The following CACNA1E variants were observed in gnomAD, a reference collection of about 807,000 sequenced individuals.
The protein encoded by CACNA1E is calcium voltage-gated channel subunit alpha1 E.
A neutral mutation model predicts 259.2 loss-of-function variants in CACNA1E; 40 were observed. That is an observed-to-expected ratio of 0.15 (90% CI 0.12 to 0.20). The LOEUF is 0.20. CACNA1E is among the 10% of genes least tolerant of loss of function. The pLI, the probability that CACNA1E is intolerant of heterozygous loss-of-function variation, is 1.00. For missense variants in CACNA1E, 1,874 were observed against 3,040.1 expected, an observed-to-expected ratio of 0.62 and a Z score of 9.02; for synonymous variants, 1,104 against 1,138.5, an observed-to-expected ratio of 0.97 and a Z score of 0.61.
At chr1:181,722,927 G>T (rs938361167) in intron 16 of CACNA1E, among the ~76,000 whole-genome samples, 1 of 152,192 alleles carries the variant, frequency 6.6e-6, no homozygotes, top group Non-Finnish European at 1.5e-5. Flanking sequence ...AGCTCCATGT[G>T]TCCCAATGGC....
At chr1:181,467,736 T>C (rs922334127) in intron 2 of CACNA1E, among the ~76,000 whole-genome samples, 1 of 152,178 alleles carries the variant, frequency 6.6e-6, no homozygotes, top group Admixed American at 6.5e-5. Context: ...TGCATTCCAC[T>C]GGGGTTCCTG....
chr1:181,626,258 A>G lies in CACNA1E; in HGVS notation c.952-25080A>G, dbSNP rs187544811. Among the ~76,000 whole-genome samples the G allele has an allele frequency of 2.2e-3, 329 of 152,372 alleles. 2 individuals carry two copies. Among genetic ancestry groups the G allele is most frequent in the African/African-American group, 7.5e-3 (312 of 41,590 alleles). ...GTGCTGTTGGAAAAATAGCATCCAT[A>G]GTCTTATTAGACTCAGGGTTGTAAA... On this transcript the variant is annotated intron_variant, in intron 6 of 47. Transcript: ENST00000367573.
At chr1:181,761,888 T>C (rs545052401) in intron 32 of CACNA1E, among the ~76,000 whole-genome samples, 1 of 152,352 alleles carries the variant, frequency 6.6e-6, no homozygotes, top group Admixed American at 6.5e-5. Context: ...ACTCATTGTA[T>C]TACTGCTTCC....
At position 181,798,261 on chromosome 1, in the gene CACNA1E, T is replaced by C. The variant is rs530799525; in HGVS notation, c.6400-31T>C. On this transcript the variant is annotated intron_variant, in intron 47 of 47. Coordinates refer to ENST00000367573, the MANE Select transcript of CACNA1E (RefSeq NM_001205293.3). This position sits in a 1 kb window ranked among gnomAD's most constrained non-coding sequence, Gnocchi z 4.2. ...CAAGTAGGGATCATGCCAAGCCCAATCTAACATGCCATGTCTCTCCTGCTA... is the reference window on the plus strand; with the variant it reads ...CAAGTAGGGATCATGCCAAGCCCAACCTAACATGCCATGTCTCTCCTGCTA... 6.5e-7 allele frequency: 1 copy of C among 1,541,904 alleles called. No individual in the cohort carries two copies. Among genetic ancestry groups the C allele is most frequent in the African/African-American group, 1.4e-5 (1 of 73,490 alleles).
upstream of CACNA1E, among the ~76,000 whole-genome samples, chr1:181,479,527 T>A (rs1396153380): frequency 6.6e-6 from 1 of 152,148 alleles, no homozygotes; most frequent in Non-Finnish European, 1.5e-5. Flanking sequence ...CAAATTCCCA[T>A]ATGAAGAAAT....
At chr1:181,674,713 C>T (rs1234999787) in intron 7 of CACNA1E, among the ~76,000 whole-genome samples, 2 of 152,204 alleles carry the variant, frequency 1.3e-5, no homozygotes, top group African/African-American at 2.4e-5. Context: ...GACTCTGCCA[C>T]AGGCTTGACC....
chr1:181,758,167 G>C lies in CACNA1E; in HGVS notation c.4494+56G>C. The C allele has an allele frequency of 6.5e-7, 1 of 1,530,758 alleles. No individual in the cohort carries two copies. The highest frequency in any genetic ancestry group is 1.7e-5 in the Admixed American group (1 of 58,136). The allele number at this position is 1,530,758 out of a possible 1,614,324, so 94.8% of individuals were successfully genotyped here. On this transcript the variant is annotated intron_variant, in intron 31 of 47. Transcript: ENST00000367573. This position sits in a 1 kb window ranked among gnomAD's most constrained non-coding sequence, Gnocchi z 4.2. ...AGCCCCAGCGATGGTTCCCTCCCAG[G>C]GCAAGTGGGAAGACACCCCAACATC... is the stretch of plus-strand genomic sequence containing the variant.
chr1:181,504,909 AT>A lies in CACNA1E; in HGVS notation c.267-5567del, dbSNP rs559527745. ...GTTGGAGCAACACAGGTCCTCATTAATGGGCTCAGAGGGAACGAGGAGTGAA... is the reference window on the plus strand; with the variant it reads ...GTTGGAGCAACACAGGTCCTCATTAAGGGCTCAGAGGGAACGAGGAGTGAA... On this transcript the variant is annotated intron_variant, in intron 1 of 47. Coordinates refer to ENST00000367573, the MANE Select transcript of CACNA1E (RefSeq NM_001205293.3). Among the ~76,000 whole-genome samples the A allele has an allele frequency of 1.8e-3, 275 of 152,372 alleles. 2 individuals carry two copies. The highest frequency in any genetic ancestry group is 3.3e-3 in the Non-Finnish European group (223 of 68,028).
chr1:181,745,664 C>A (rs1252237299), intron 25 of CACNA1E, among the ~76,000 whole-genome samples: 1 of 152,158 alleles, frequency 6.6e-6, no homozygotes, highest in Non-Finnish European at 1.5e-5. Context: ...CCTTCCTAAT[C>A]CACATGCACA....
intron 1 of CACNA1E, among the ~76,000 whole-genome samples, chr1:181,351,277 C>T (rs1653023963): frequency 6.6e-6 from 1 of 152,160 alleles, no homozygotes; most frequent in African/African-American, 2.4e-5. Flanking sequence ...GAGTCTCAGC[C>T]ACCTCAGCAT....
chr1:181,695,711 C>T (rs1651626969), intron 7 of CACNA1E, among the ~76,000 whole-genome samples: 1 of 152,088 alleles, frequency 6.6e-6, no homozygotes, highest in Admixed American at 6.6e-5. Flanking sequence ...GCCTGTAATC[C>T]CACTTTGGGA....
At chr1:181,514,650 G>A (rs681271) in intron 3 of CACNA1E, among the ~76,000 whole-genome samples, 93,136 of 151,692 alleles carry the variant, frequency 0.61, 30,884 homozygotes, top group African/African-American at 0.89. Context: ...AATGACAGGT[G>A]CTGGAGCATG....
intron 1 of CACNA1E, among the ~76,000 whole-genome samples, chr1:181,498,932 A>G (rs963471620): frequency 1.3e-5 from 2 of 152,216 alleles, no homozygotes; most frequent in African/African-American, 4.8e-5. Context: ...ATCATGACTA[A>G]TAAGAAAGGA....
chr1:181,596,470 C>T (rs904109857), intron 6 of CACNA1E, among the ~76,000 whole-genome samples: 3 of 151,348 alleles, frequency 2.0e-5, no homozygotes, highest in Non-Finnish European at 4.4e-5. Context: ...CAAGGAAGAA[C>T]GTCGTTGGGG....
chr1:181,474,381 C>T (rs534520341), intron 2 of CACNA1E, among the ~76,000 whole-genome samples: 1 of 152,290 alleles, frequency 6.6e-6, no homozygotes, highest in African/African-American at 2.4e-5. Context: ...ACATTTCCAC[C>T]TTTCCAATTT....
At chr1:181,735,887 C>A (rs1299448641) in intron 21 of CACNA1E, among the ~76,000 whole-genome samples, 3 of 152,046 alleles carry the variant, frequency 2.0e-5, no homozygotes, top group African/African-American at 2.4e-5. Context: ...TGAGGGTATA[C>A]CCCTCAGTGG....
intron 3 of CACNA1E, among the ~76,000 whole-genome samples, chr1:181,556,995 G>A (rs927310819): frequency 6.6e-6 from 1 of 152,140 alleles, no homozygotes; most frequent in African/African-American, 2.4e-5. Flanking sequence ...TGTGAACATC[G>A]TGCAGTGTGG....
intron 30 of CACNA1E, among the ~76,000 whole-genome samples, 152 bp downstream of exon 30, chr1:181,757,278 C>T (rs909397082): frequency 6.6e-5 from 10 of 152,206 alleles, no homozygotes. Flanking sequence ...ATTAAATAAG[C>T]ATTTTCCAAG....
intron 6 of CACNA1E, among the ~76,000 whole-genome samples, chr1:181,648,333 TCA>T (rs1279898503): frequency 1.3e-5 from 2 of 152,134 alleles, no homozygotes; most frequent in Non-Finnish European, 2.9e-5. Context: ...CAAAACATAC[TCA>T]CAAAATGCTG....
Sources: allele counts gnomAD v4.1 joint callset (sites outside exome capture counted in the v4.1 genomes callset), GRCh38; gene constraint gnomAD v4.1.1; non-coding constraint Gnocchi (gnomAD v3.1); transcripts MANE v1.5; gene names NCBI Gene and HGNC (gene_info 2026-07-23, HGNC 2026-07-21).